The following SHROOM4 variants were observed in gnomAD, a reference collection of about 807,000 sequenced individuals.
The protein encoded by SHROOM4 is protein Shroom4.
Under a neutral mutation model 80.3 loss-of-function variants are expected in SHROOM4, and 17 were observed. The observed-to-expected ratio is 0.21, with a 90% CI of 0.14 to 0.32. The LOEUF (loss-of-function observed/expected upper bound fraction) is 0.32, where lower values mean the gene tolerates loss of function less well. SHROOM4 is among the 10% of genes least tolerant of loss of function. The pLI is 1.00. For synonymous variants in SHROOM4, 400 were observed against 437.5 expected, an observed-to-expected ratio of 0.91 and a Z score of 1.07; for missense variants, 993 against 1,140.3, an observed-to-expected ratio of 0.87 and a Z score of 1.86.
chrX:50,782,144 G>A (rs148467049), intron 1 of SHROOM4, among the ~76,000 whole-genome samples: 3,252 of 110,191 alleles, frequency 0.03, 122 homozygotes, highest in African/African-American at 0.1. Flanking sequence ...GGAGGCAGAG[G>A]TTGTAGTGAG....
intron 1 of SHROOM4, among the ~76,000 whole-genome samples, chrX:50,767,916 A>C (rs1557269445): frequency 8.9e-6 from 1 of 112,182 alleles, no homozygotes. Context: ...AAGTAATAAC[A>C]AATACATCTA....
intron 1 of SHROOM4, among the ~76,000 whole-genome samples, chrX:50,758,615 A>C (rs782157454): frequency 8.9e-6 from 1 of 112,197 alleles, no homozygotes; most frequent in South Asian, 3.7e-4. Context: ...TTCAGTTTGC[A>C]AGTATTTTGT....
intron 1 of SHROOM4, among the ~76,000 whole-genome samples, chrX:50,719,017 T>C (rs974364058): frequency 8.9e-6 from 1 of 111,906 alleles, no homozygotes; most frequent in African/African-American, 3.2e-5. Context: ...GGTCATCCTA[T>C]TCCCAGCTGC....
At chrX:50,773,023 C>T (rs1935430073) in intron 1 of SHROOM4, among the ~76,000 whole-genome samples, 1 of 112,095 alleles carries the variant, frequency 8.9e-6, no homozygotes, top group East Asian at 2.8e-4. Flanking sequence ...TTCTTTACTA[C>T]ACTTACAAAG....
intron 1 of SHROOM4, among the ~76,000 whole-genome samples, chrX:50,782,004 T>C (rs1182061779): frequency 4.5e-5 from 5 of 111,086 alleles, no homozygotes; most frequent in African/African-American, 1.6e-4. Flanking sequence ...AGGTCAGGAG[T>C]TCGAGACCAG....
intron 1 of SHROOM4, among the ~76,000 whole-genome samples, chrX:50,705,767 T>G (rs1330487130): frequency 9.1e-6 from 1 of 110,294 alleles, no homozygotes; most frequent in Admixed American, 9.7e-5. Flanking sequence ...CTACTTCATC[T>G]TCCCCTTCTG....
chrX:50,749,483 G>A (rs1486955105), intron 1 of SHROOM4, among the ~76,000 whole-genome samples: 1 of 111,675 alleles, frequency 9.0e-6, no homozygotes, highest in Non-Finnish European at 1.9e-5. Flanking sequence ...TATCTTCATA[G>A]ATAATTTACT....
chrX:50,715,658 T>C (rs1353797031), intron 1 of SHROOM4, among the ~76,000 whole-genome samples: 2 of 111,008 alleles, frequency 1.8e-5, no homozygotes, highest in Non-Finnish European at 3.8e-5. Flanking sequence ...TCATGCCTGT[T>C]AGGATGGCTA....
intron 1 of SHROOM4, among the ~76,000 whole-genome samples, chrX:50,708,530 C>G (rs782582955): frequency 1.8e-5 from 2 of 112,235 alleles, no homozygotes; most frequent in South Asian, 7.4e-4. Context: ...TAAGGGGAGG[C>G]CCTGTTGGGG....
intron 1 of SHROOM4, among the ~76,000 whole-genome samples, chrX:50,721,395 CG>C (rs1178583540): frequency 2.7e-5 from 3 of 112,548 alleles, no homozygotes; most frequent in African/African-American, 9.7e-5. Flanking sequence ...TGCTCAACAA[CG>C]GGTGGATTAT....
At position 50,596,594 on chromosome X, in the gene SHROOM4, CT is replaced by C. The variant is rs1929124052; in HGVS notation, c.*100del. 1.8e-6 allele frequency: 2 copies of C among 1,086,115 alleles called. No individual in the cohort carries two copies. Among genetic ancestry groups the C allele is most frequent in the African/African-American group, 3.6e-5 (2 of 55,148 alleles). 89.5% of individuals were successfully genotyped at this position (1,086,115 alleles called of 1,213,427 possible). On this transcript the variant is annotated 3_prime_UTR_variant, in exon 9 of 9. Transcript: ENST00000376020. Reference sequence around the variant, plus strand: ...ATCCAGGGTAGAGGGCTGGAACAAACTGCTAATTGCTATCTACTTGCTGAGA... The same window carrying C: ...ATCCAGGGTAGAGGGCTGGAACAAACGCTAATTGCTATCTACTTGCTGAGA...
Position 50,764,280 on chromosome X carries a change from T to G in SHROOM4, c.117+49622A>C, listed in dbSNP as rs782491988. Reference sequence around the variant, plus strand: ...TGATCTGTACCTCCTGGTATGGAACTTCTACCCTACAAGTGGGATCTGGGG... The same window carrying G: ...TGATCTGTACCTCCTGGTATGGAACGTCTACCCTACAAGTGGGATCTGGGG... On this transcript the variant is annotated intron_variant, in intron 1 of 8. Coordinates refer to ENST00000376020, the MANE Select transcript of SHROOM4 (RefSeq NM_020717.5). 2.2e-4 allele frequency among the ~76,000 whole-genome samples: 24 copies of G among 111,127 alleles called. 1 individual carries two copies. Among genetic ancestry groups the G allele is most frequent in the African/African-American group, 7.8e-4 (24 of 30,616 alleles).
intron 1 of SHROOM4, among the ~76,000 whole-genome samples, chrX:50,770,052 C>T (rs1935364696): frequency 9.1e-6 from 1 of 110,233 alleles, no homozygotes; most frequent in Admixed American, 9.6e-5. Context: ...GGTGGATAAG[C>T]TTCCCTGTTC....
intron 1 of SHROOM4, among the ~76,000 whole-genome samples, chrX:50,792,545 G>T (rs1221964825): frequency 1.8e-5 from 2 of 108,840 alleles, no homozygotes; most frequent in Non-Finnish European, 3.8e-5. Flanking sequence ...TGGAATGGAA[G>T]AAAATATTTG....
Position 50,638,238 on chromosome X carries a change from C to G in SHROOM4, c.340G>C (p.Ala114Pro), listed in dbSNP as rs781814311. The change falls in exon 3 of 9, where the codon GCC becomes CCC. Residue 114 changes from alanine to proline, a missense_variant. Transcript: ENST00000376020. ...TCAGAAGGGAAATGCATGGTGGTGGCTGCTTCAGGGCATCCCTCCAGCAGC... is the reference window on the plus strand; with the variant it reads ...TCAGAAGGGAAATGCATGGTGGTGGGTGCTTCAGGGCATCCCTCCAGCAGC... ...AKLLEGCPEA[A>P]TTMHFPSEAF... is the part of the protein sequence containing the mutation. 1.7e-6 allele frequency: 2 copies of G among 1,210,693 alleles called. No homozygotes were observed. The highest frequency in any genetic ancestry group is 4.3e-5 in the Admixed American group (2 of 46,001).
At chrX:50,723,422 A>AGAGAGAGAGAGAGAGAGAG (rs1934175046) in intron 1 of SHROOM4, among the ~76,000 whole-genome samples, 1 of 54,378 alleles carries the variant, frequency 1.8e-5, no homozygotes, top group African/African-American at 5.9e-5. Context: ...GAGAGAGAGA[A>AGAGAGAGAGAGAGAGAGAG]ACAGAGGGAG....
At position 50,635,326 on chromosome X, in the gene SHROOM4, G is replaced by A. The variant is rs1458167810; in HGVS notation, c.747C>T (p.Thr249=). 33 of 1,200,818 alleles carry A rather than the reference G, an allele frequency of 2.7e-5. No individual in the cohort carries two copies. Among genetic ancestry groups the A allele is most frequent in the Non-Finnish European group, 3.7e-5 (33 of 890,471 alleles). The change falls in exon 4 of 9, where the codon ACC becomes ACT. Residue 249 remains threonine, a synonymous_variant. Coordinates refer to ENST00000376020, the MANE Select transcript of SHROOM4 (RefSeq NM_020717.5). ...GACGGGATGACATCTGAGAGCTGGGGGTCAGGTGGCCCCCATTGGTGCGCC... is the reference window on the plus strand; with the variant it reads ...GACGGGATGACATCTGAGAGCTGGGAGTCAGGTGGCCCCCATTGGTGCGCC... The part of the protein sequence containing the change: ...GSRRTNGGHL[T]PSSQMSSRPQ...
intron 2 of SHROOM4, among the ~76,000 whole-genome samples, chrX:50,662,636 C>T (rs1557260057): frequency 1.8e-5 from 2 of 112,187 alleles, no homozygotes; most frequent in Non-Finnish European, 3.8e-5. Flanking sequence ...TGTATATCAG[C>T]TCATTTACTC....
chrX:50,679,067 T>C (rs187391526), intron 2 of SHROOM4, among the ~76,000 whole-genome samples: 98 of 111,531 alleles, frequency 8.8e-4, no homozygotes, highest in African/African-American at 2.9e-3. Flanking sequence ...TATTGATTGT[T>C]GGACTGCTTT....
Sources: allele counts gnomAD v4.1 joint callset (sites outside exome capture counted in the v4.1 genomes callset), GRCh38; gene constraint gnomAD v4.1.1; transcripts MANE v1.5; gene names NCBI Gene and HGNC (gene_info 2026-07-23, HGNC 2026-07-21).